ADGB: variants seen among roughly 807,000 people sequenced by gnomAD.
ADGB encodes the protein androglobin, also known as calpain-7-like protein.
A neutral mutation model predicts 210.5 loss-of-function variants in ADGB; 172 were observed. The ratio of observed to expected loss-of-function variants is 0.82; its 90% confidence interval spans 0.72 to 0.93. ADGB has a LOEUF of 0.93. Ranked by LOEUF, ADGB falls within the 40% of genes least tolerant of loss-of-function variation. The pLI is 0.00. For missense variants in ADGB, 2,025 were observed against 1,964.8 expected (o/e 1.03, Z -0.58); for synonymous variants, 658 against 662.7 (o/e 0.99, Z 0.11).
chr6:146,631,145 C>T (rs571569652), intron 1 of ADGB, among the ~76,000 whole-genome samples: 5 of 152,160 alleles, frequency 3.3e-5, no homozygotes, highest in South Asian at 4.1e-4. Flanking sequence ...ATTAAAGATA[C>T]GAAAGAGGAA....
chr6:146,758,831 G>T (rs1777447163), intron 27 of ADGB, among the ~76,000 whole-genome samples: 1 of 151,824 alleles, frequency 6.6e-6, no homozygotes, highest in East Asian at 1.9e-4. Context: ...GCAAGGAAAG[G>T]CTATTTCCAT....
chr6:146,644,717 G>T (rs1775580772), intron 2 of ADGB, 56 bp from the exon 3 acceptor site: 3 of 1,061,938 alleles, frequency 2.8e-6, no homozygotes, highest in East Asian at 2.8e-5. Flanking sequence ...TATTAAAATT[G>T]TTTTTTTATT....
chr6:146,723,552 C>T (rs575942598), intron 17 of ADGB, among the ~76,000 whole-genome samples: 3 of 152,092 alleles, frequency 2.0e-5, no homozygotes, highest in Admixed American at 6.6e-5. Flanking sequence ...CCTGGGCCAA[C>T]ATGGTGAAAC....
Position 146,769,002 on chromosome 6 carries a change from C to A in ADGB, c.3751-18C>A, listed in dbSNP as rs771023533. 6 of 1,332,758 alleles carry A rather than the reference C, an allele frequency of 4.5e-6. No individual in the cohort carries two copies. The highest frequency in any genetic ancestry group is 5.2e-6 in the Non-Finnish European group (5 of 968,048). 82.6% of individuals were successfully genotyped at this position (1,332,758 alleles called of 1,614,324 possible). On this transcript the variant is annotated intron_variant, in intron 28 of 35. Transcript: ENST00000397944. The stretch of plus-strand genomic sequence containing the variant: ...TGTATGTTCTTATCATTTTTAAACA[C>A]TGCATTTTATTTCACAGAATTACAA...
rs1246831588 is a variant in ADGB, at chr6:146,605,281, ATAT to A, written c.74+6170_74+6172del. On this transcript the variant is annotated intron_variant, in intron 1 of 35. Transcript: ENST00000397944. ...GGTCCTCCTGATGATAGTGAGGAAC[ATAT>A]TAAAAGCGATGTGAGTGTGCACTGT... 2.7e-4 allele frequency among the ~76,000 whole-genome samples: 41 copies of A among 152,196 alleles called. 1 individual carries two copies. Among genetic ancestry groups the A allele is most frequent in the Admixed American group, 2.7e-3 (41 of 15,280 alleles).
At chr6:146,814,152 G>A (rs1778346490) in intron 35 of ADGB, among the ~76,000 whole-genome samples, 1 of 152,116 alleles carries the variant, frequency 6.6e-6, no homozygotes, top group Non-Finnish European at 1.5e-5. Context: ...GTCCGATTCT[G>A]ACATCCAGCT....
At chr6:146,809,220 ACTC>A (rs1778262197) in intron 35 of ADGB, among the ~76,000 whole-genome samples, 2 of 152,114 alleles carry the variant, frequency 1.3e-5, no homozygotes, top group African/African-American at 4.8e-5. Flanking sequence ...TTGTCCCAAC[ACTC>A]AGCTTTTTCC....
chr6:146,736,904 A>G lies in ADGB; in HGVS notation c.2888+313A>G, dbSNP rs570122911. On this transcript the variant is annotated intron_variant, in intron 23 of 35. Transcript: ENST00000397944. ...CTGGTAGCGGATGAGATCCCAGTCA[A>G]CAAATAGTCAGATGAAATCCTTGGA... 2.6e-5 allele frequency among the ~76,000 whole-genome samples: 4 copies of G among 152,320 alleles called. No individual in the cohort carries two copies. The East Asian group carries it at 7.7e-4, about 29-fold the overall frequency.
At chr6:146,605,652 G>C (rs1026870546) in intron 1 of ADGB, among the ~76,000 whole-genome samples, 1 of 152,130 alleles carries the variant, frequency 6.6e-6, no homozygotes, top group Admixed American at 6.6e-5. Context: ...AGAGGGAAAA[G>C]GCCCTGTCAT....
intron 29 of ADGB, among the ~76,000 whole-genome samples, chr6:146,781,171 CAAAAA>C (rs71031009): frequency 0.056 from 5,133 of 90,980 alleles, 385 homozygotes; most frequent in African/African-American, 0.19. Flanking sequence ...ACTAAAAATA[CAAAAA>C]AAAAAAAAAA....
chr6:146,647,395 C>A (rs1775634475), intron 3 of ADGB, among the ~76,000 whole-genome samples: 1 of 151,782 alleles, frequency 6.6e-6, no homozygotes, highest in Non-Finnish European at 1.5e-5. Flanking sequence ...TTACAGAAAG[C>A]CCATTTAGAT....
At chr6:146,770,622 C>T in intron 29 of ADGB, 1 of 467,452 alleles carries the variant, frequency 2.1e-6, no homozygotes, top group South Asian at 1.6e-5. Flanking sequence ...ATGTGTAAAT[C>T]CTAATGGCAT....
chr6:146,772,690 A>C (rs1419707014), intron 29 of ADGB, among the ~76,000 whole-genome samples: 1 of 149,648 alleles, frequency 6.7e-6, no homozygotes, highest in Non-Finnish European at 1.5e-5. Flanking sequence ...ATATATACAT[A>C]ATTTAAATAC....
At chr6:146,643,510 A>G (rs1166783724) in intron 2 of ADGB, among the ~76,000 whole-genome samples, 1 of 151,768 alleles carries the variant, frequency 6.6e-6, no homozygotes, top group Non-Finnish European at 1.5e-5. Flanking sequence ...CCAGTATCCT[A>G]TAAATTCTTA....
chr6:146,610,407 A>T (rs994523489), intron 1 of ADGB, among the ~76,000 whole-genome samples: 2 of 152,156 alleles, frequency 1.3e-5, no homozygotes, highest in Admixed American at 1.3e-4. Context: ...GGAGGTAAGA[A>T]GACACTTTGG....
intron 35 of ADGB, among the ~76,000 whole-genome samples, chr6:146,806,586 C>CA (rs1447414393): frequency 6.6e-6 from 1 of 152,064 alleles, no homozygotes; most frequent in Non-Finnish European, 1.5e-5. Context: ...AAGCTGGTTG[C>CA]AAAAAACATG....
intron 35 of ADGB, chr6:146,807,500 T>C (rs1248732898): frequency 1.3e-6 from 2 of 1,551,552 alleles, no homozygotes; most frequent in Non-Finnish European, 1.7e-6. Context: ...AAGCTCTCTC[T>C]GCTCAGGAAG....
At chr6:146,765,341 G>A (rs1428567969) in intron 28 of ADGB, among the ~76,000 whole-genome samples, 1 of 151,092 alleles carries the variant, frequency 6.6e-6, no homozygotes, top group African/African-American at 2.4e-5. Context: ...AGAATTGTGA[G>A]AATTTGAAAA....
chr6:146,700,923 G>A lies in ADGB; in HGVS notation c.1578-18G>A, dbSNP rs1776480354. ...AAGATCAAAATAACAGAAGTTTGGG[G>A]TTTTGTTTTCCTTTTAGGCATTTTG... On this transcript the variant is annotated intron_variant, in intron 12 of 35. Coordinates refer to ENST00000397944, the MANE Select transcript of ADGB (RefSeq NM_024694.4). 11 of 1,539,258 alleles carry A rather than the reference G, an allele frequency of 7.1e-6. No individual in the cohort carries two copies. Among genetic ancestry groups the A allele is most frequent in the Non-Finnish European group, 9.6e-6 (11 of 1,142,876 alleles).
Sources: allele counts gnomAD v4.1 joint callset (sites outside exome capture counted in the v4.1 genomes callset), GRCh38; gene constraint gnomAD v4.1.1; transcripts MANE v1.5; gene names NCBI Gene and HGNC (gene_info 2026-07-23, HGNC 2026-07-21).